Variants in KLKB1 observed in about 807,000 individuals in gnomAD.
KLKB1 encodes the protein kallikrein B1.
Under a neutral mutation model 73.6 loss-of-function variants are expected in KLKB1, and 58 were observed. The ratio of observed to expected loss-of-function variants is 0.79; its 90% CI spans 0.64 to 0.98. The LOEUF (loss-of-function observed/expected upper bound fraction) is 0.98. Among genes scored for constraint, KLKB1 ranks in the 50% least tolerant of loss-of-function variants. KLKB1 has a pLI of 0.00. For synonymous variants in KLKB1, 280 were observed against 258.1 expected (o/e 1.08, Z -0.81); for missense variants, 737 against 763.8 (o/e 0.96, Z 0.41).
intron 6 of KLKB1, among the ~76,000 whole-genome samples, chr4:186,246,769 G>A (rs1255303935): frequency 6.6e-6 from 1 of 152,124 alleles, no homozygotes; most frequent in Non-Finnish European, 1.5e-5. Context: ...TTGCCACTAA[G>A]GGTGAAGGAT....
intron 6 of KLKB1, among the ~76,000 whole-genome samples, chr4:186,243,005 C>A (rs1440680582): frequency 1.3e-5 from 2 of 151,184 alleles, no homozygotes; most frequent in Non-Finnish European, 2.9e-5. Flanking sequence ...ACCACGGTGG[C>A]CTTCTCAGAC....
chr4:186,234,122 C>A, intron 4 of KLKB1, 64 bp downstream of exon 4: 1 of 1,276,440 alleles, frequency 7.8e-7, no homozygotes, highest in African/African-American at 1.5e-5. Flanking sequence ...ACAGCTTTTG[C>A]TCAAAGTTTG....
At position 186,236,248 on chromosome 4, in the gene KLKB1, A is replaced by G. The variant is rs137907733; in HGVS notation, c.329-533A>G. ...AAGTTAACACTATTTTAAAGCAAGAATGGAAGTGGTTTCATCATGCGTAAA... is the reference window on the plus strand; with the variant it reads ...AAGTTAACACTATTTTAAAGCAAGAGTGGAAGTGGTTTCATCATGCGTAAA... On this transcript the variant is annotated intron_variant, in intron 4 of 14. Coordinates refer to ENST00000264690, the MANE Select transcript of KLKB1 (RefSeq NM_000892.5). 2.7e-3 allele frequency among the ~76,000 whole-genome samples: 413 copies of G among 152,382 alleles called. 3 individuals carry two copies. Among genetic ancestry groups the G allele is most frequent in the African/African-American group, 9.4e-3 (392 of 41,600 alleles).
At chr4:186,228,153 T>C (rs1215878230) in intron 1 of KLKB1, 42 bp from the exon 2 acceptor site, 1 of 1,074,702 alleles carries the variant, frequency 9.3e-7, no homozygotes, top group African/African-American at 1.5e-5. Context: ...ATGTTAAATG[T>C]GGTCTAAAAC....
chr4:186,219,815 T>A (rs1736994546), intron 2 of KLKB1, among the ~76,000 whole-genome samples: 1 of 152,118 alleles, frequency 6.6e-6, no homozygotes, highest in Non-Finnish European at 1.5e-5. Flanking sequence ...TAGTTTCCCA[T>A]TGACCTTAAT....
At chr4:186,241,651 A>G (rs932146390) in intron 6 of KLKB1, among the ~76,000 whole-genome samples, 1 of 152,216 alleles carries the variant, frequency 6.6e-6, no homozygotes, top group Non-Finnish European at 1.5e-5. Flanking sequence ...TGGTACACAT[A>G]TTTTCAAGCC....
At chr4:186,244,848 G>A (rs959781109) in intron 6 of KLKB1, among the ~76,000 whole-genome samples, 2 of 152,132 alleles carry the variant, frequency 1.3e-5, no homozygotes, top group African/African-American at 4.8e-5. Context: ...GCATGCTGTG[G>A]GATGGGATAT....
intron 3 of KLKB1, among the ~76,000 whole-genome samples, chr4:186,232,561 C>A (rs1737450575): frequency 6.6e-6 from 1 of 152,152 alleles, no homozygotes; most frequent in Non-Finnish European, 1.5e-5. Flanking sequence ...TATTCAAAGC[C>A]TCAAAATGCT....
chr4:186,236,698 A>G lies in KLKB1; in HGVS notation c.329-83A>G, dbSNP rs1737707574. The G allele has an allele frequency of 5.6e-6, 8 of 1,426,094 alleles. No individual in the cohort carries two copies. The Admixed American group carries it at 1.0e-4, about 18-fold the overall frequency. 88.3% of individuals were successfully genotyped at this position (1,426,094 alleles called of 1,614,324 possible). On this transcript the variant is annotated intron_variant, in intron 4 of 14. Transcript: ENST00000264690. The stretch of plus-strand genomic sequence containing the variant: ...AACTGGGCTATTATCATTCTAAACT[A>G]CCAACCCAAATGGTAGTGGGTATCT...
chr4:186,241,634 A>G (rs1046207400), intron 6 of KLKB1, among the ~76,000 whole-genome samples: 5 of 152,216 alleles, frequency 3.3e-5, no homozygotes, highest in African/African-American at 1.2e-4. Context: ...TAATTTATCA[A>G]TTGAGATGGT....
chr4:186,252,486 C>T (rs1184296521), intron 11 of KLKB1, among the ~76,000 whole-genome samples: 1 of 151,344 alleles, frequency 6.6e-6, no homozygotes, highest in African/African-American at 2.4e-5. Context: ...AATTCCACCA[C>T]CAATCCTGCC....
chr4:186,236,032 T>G (rs929610867), intron 4 of KLKB1, among the ~76,000 whole-genome samples: 120 of 148,298 alleles, frequency 8.1e-4, no homozygotes, highest in Non-Finnish European at 1.5e-3. Flanking sequence ...GAGAATGGCG[T>G]GAACCCGGGA....
chr4:186,238,471 G>T (rs772321961), intron 6 of KLKB1, 106 bp downstream of exon 6: 7 of 809,682 alleles, frequency 8.6e-6, no homozygotes, highest in Non-Finnish European at 1.5e-5. Flanking sequence ...TCCCATAGCT[G>T]GCAAAAGCGT....
chr4:186,243,445 G>A (rs1738161013), intron 6 of KLKB1, among the ~76,000 whole-genome samples: 1 of 152,074 alleles, frequency 6.6e-6, no homozygotes, highest in Admixed American at 6.6e-5. Flanking sequence ...TGACAGATGA[G>A]GAAGAAAAAA....
chr4:186,225,503 C>T (rs1052000476), upstream of KLKB1, among the ~76,000 whole-genome samples: 1 of 148,122 alleles, frequency 6.8e-6, no homozygotes, highest in Non-Finnish European at 1.5e-5. Context: ...GCAATCTCGG[C>T]TCACTGCAAG....
chr4:186,235,724 A>G (rs1299632709), intron 4 of KLKB1, among the ~76,000 whole-genome samples: 1 of 152,210 alleles, frequency 6.6e-6, no homozygotes, highest in Admixed American at 6.5e-5. Flanking sequence ...TTTATTCCAC[A>G]TAATCTTGGG....
Position 186,237,288 on chromosome 4 carries a change from G to A in KLKB1, c.488+348G>A, listed in dbSNP as rs576060352. Among the ~76,000 whole-genome samples, 18 of 152,076 alleles carry A rather than the reference G, an allele frequency of 1.2e-4. No individual in the cohort carries two copies. In the East Asian group the frequency reaches 2.9e-3, roughly 25 times the overall value. On this transcript the variant is annotated intron_variant, in intron 5 of 14. Transcript: ENST00000264690. ...TAATTTTTGTATTTTTAGTAGAGTC[G>A]GGGTTTTACTATGTTGGTCAGGCTG... is the stretch of plus-strand genomic sequence containing the variant.
In KLKB1 at chr4:186,258,441, G is replaced by C; in HGVS notation, c.*229G>C. The C allele has an allele frequency of 1.7e-6, 1 of 582,074 alleles. No individual in the cohort carries two copies. The highest frequency in any genetic ancestry group is 3.1e-6 in the Non-Finnish European group (1 of 324,960). 36.1% of individuals were successfully genotyped at this position (582,074 alleles called of 1,614,324 possible). Reference sequence around the variant, plus strand: ...GGTCGCAACTGAGATCTCCATGACTGTGTGTTGTGAAATAAAATGGTGAAA... The same window carrying C: ...GGTCGCAACTGAGATCTCCATGACTCTGTGTTGTGAAATAAAATGGTGAAA... On this transcript the variant is annotated 3_prime_UTR_variant, in exon 15 of 15. Coordinates refer to ENST00000264690, the MANE Select transcript of KLKB1 (RefSeq NM_000892.5).
chr4:186,232,730 TA>T (rs1410173891), intron 3 of KLKB1, among the ~76,000 whole-genome samples: 3 of 152,104 alleles, frequency 2.0e-5, no homozygotes, highest in Non-Finnish European at 1.5e-5. Context: ...GCTGAGAATG[TA>T]ATTGAGAAAG....
Sources: allele counts gnomAD v4.1 joint callset (sites outside exome capture counted in the v4.1 genomes callset), GRCh38; gene constraint gnomAD v4.1.1; transcripts MANE v1.5; gene names NCBI Gene and HGNC (gene_info 2026-07-23, HGNC 2026-07-21).